The following MGAT4A variants were observed in gnomAD, a reference collection of about 807,000 sequenced individuals.
MGAT4A encodes alpha-1,3-mannosyl-glycoprotein 4-beta-N-acetylglucosaminyltransferase A.
In MGAT4A, 33 loss-of-function variants were observed where a neutral mutation model predicts 74.1. That is an observed-to-expected ratio of 0.45 (90% CI 0.34 to 0.60). The LOEUF is 0.60. MGAT4A is among the 20% of genes least tolerant of loss of function. The probability of loss-of-function intolerance (pLI) is 0.02; values close to 1 mark genes in which losing one functional copy is unlikely to be tolerated. For synonymous variants in MGAT4A, 198 were observed against 210.4 expected (o/e 0.94, Z 0.51); for missense variants, 479 against 628.3 (o/e 0.76, Z 2.54).
At chr2:98,644,913 C>T (rs969908304) in intron 9 of MGAT4A, among the ~76,000 whole-genome samples, 1 of 152,160 alleles carries the variant, frequency 6.6e-6, no homozygotes, top group African/African-American at 2.4e-5. Context: ...GGATTACAGG[C>T]GTGAGCCACT....
chr2:98,700,515 A>C (rs1702340124), intron 2 of MGAT4A, among the ~76,000 whole-genome samples: 1 of 151,984 alleles, frequency 6.6e-6, no homozygotes. Flanking sequence ...TGTTTATGTG[A>C]ATTATATCAA....
rs150095105 is a variant in MGAT4A at position 98,693,463 on chromosome 2, C to T, written c.95-14992G>A. On this transcript the variant is annotated intron_variant, in intron 2 of 15. Coordinates refer to ENST00000393487, the MANE Select transcript of MGAT4A (RefSeq NM_012214.3). ...GGTTGAGGCAAAAAGGTAACATTGT[C>T]TGATGTGGTTCTCAATGTAAAAGAA... is the stretch of plus-strand genomic sequence containing the variant. 6.0e-3 allele frequency among the ~76,000 whole-genome samples: 913 copies of T among 152,248 alleles called. 6 individuals carry two copies. The highest frequency in any genetic ancestry group is 0.01 in the Middle Eastern group (3 of 294).
intron 4 of MGAT4A, among the ~76,000 whole-genome samples, chr2:98,667,426 T>A (rs1394455387): frequency 2.0e-5 from 3 of 152,170 alleles, no homozygotes; most frequent in Non-Finnish European, 4.4e-5. Flanking sequence ...AGAGACTTGT[T>A]GAATGGCTTT....
At chr2:98,699,346 C>A (rs937767537) in intron 2 of MGAT4A, among the ~76,000 whole-genome samples, 1 of 152,336 alleles carries the variant, frequency 6.6e-6, no homozygotes, top group East Asian at 1.9e-4. Context: ...GCACACTGAG[C>A]CACTCTTCTC....
intron 2 of MGAT4A, among the ~76,000 whole-genome samples, chr2:98,693,850 C>T (rs572163728): frequency 6.6e-6 from 1 of 152,164 alleles, no homozygotes; most frequent in East Asian, 1.9e-4. Context: ...GGAATACACT[C>T]AAAAACACTA....
chr2:98,699,113 G>A (rs534054466), intron 2 of MGAT4A, among the ~76,000 whole-genome samples: 1 of 152,298 alleles, frequency 6.6e-6, no homozygotes, highest in African/African-American at 2.4e-5. Context: ...AACCAGGTAT[G>A]CAGTGACTCA....
At chr2:98,661,696 T>C (rs1390282802) in intron 5 of MGAT4A, among the ~76,000 whole-genome samples, 9 of 152,184 alleles carry the variant, frequency 5.9e-5, no homozygotes, top group Non-Finnish European at 1.5e-5. Flanking sequence ...GTTGATGCTA[T>C]AGCAATGGTT....
At chr2:98,629,479 CA>C (rs1458211383) in intron 14 of MGAT4A, among the ~76,000 whole-genome samples, 2 of 152,066 alleles carry the variant, frequency 1.3e-5, no homozygotes, top group Non-Finnish European at 2.9e-5. Context: ...AAAAATATTG[CA>C]AAACTTGGAA....
chr2:98,715,648 G>A (rs962156873), intron 2 of MGAT4A, among the ~76,000 whole-genome samples: 1 of 152,304 alleles, frequency 6.6e-6, no homozygotes, highest in Admixed American at 6.5e-5. Context: ...TTGGAGGGTG[G>A]AGGGTGTGAG....
chr2:98,656,030 C>T (rs1006062200), intron 7 of MGAT4A: 3 of 267,844 alleles, frequency 1.1e-5, no homozygotes, highest in East Asian at 2.4e-4. Flanking sequence ...CAAATAGGTA[C>T]TGAATGCTTT....
intron 8 of MGAT4A, among the ~76,000 whole-genome samples, chr2:98,651,566 A>G (rs1169597726): frequency 6.6e-6 from 1 of 150,800 alleles, no homozygotes; most frequent in African/African-American, 2.4e-5. Context: ...GAATATACAC[A>G]AAAGGAAATA....
At chr2:98,645,686 T>C (rs1240193933) in intron 8 of MGAT4A, 144 bp from the exon 9 acceptor site, 15 of 690,508 alleles carry the variant, frequency 2.2e-5, no homozygotes, top group Non-Finnish European at 3.2e-5. Context: ...TAAAGCTAGA[T>C]ATTATTAAAA....
At chr2:98,683,221 C>A (rs996260308) in intron 2 of MGAT4A, among the ~76,000 whole-genome samples, 2 of 152,088 alleles carry the variant, frequency 1.3e-5, no homozygotes, top group African/African-American at 4.8e-5. Context: ...TGGACTGGAT[C>A]CTGGACCAGA....
In MGAT4A at chr2:98,656,339, G is replaced by A. The variant is rs11679648; in HGVS notation, c.698+13C>T. On this transcript the variant is annotated intron_variant, in intron 7 of 15. Transcript: ENST00000393487. Reference sequence around the variant, plus strand: ...CTCACAAGTGTGGAGGATTTTAAACGGCACATGCTCACCTTACTCTTTCTT... The same window carrying A: ...CTCACAAGTGTGGAGGATTTTAAACAGCACATGCTCACCTTACTCTTTCTT... 378,032 of 1,490,764 alleles carry A rather than the reference G, an allele frequency of 0.25. 53,436 individuals carry two copies. Among genetic ancestry groups the A allele is most frequent in the Non-Finnish European group, 0.3 (319,075 of 1,073,300 alleles). The allele number at this position is 1,490,764 out of a possible 1,614,324, so 92.3% of individuals were successfully genotyped here. A position where few individuals can be genotyped will look rare whatever the true frequency, so the allele number is the denominator to read the frequency against.
intron 14 of MGAT4A, among the ~76,000 whole-genome samples, chr2:98,631,093 T>C (rs963070622): frequency 2.0e-5 from 3 of 152,230 alleles, no homozygotes; most frequent in Non-Finnish European, 4.4e-5. Flanking sequence ...AGAAGGTTCT[T>C]CTGCCGTCTC....
intron 2 of MGAT4A, among the ~76,000 whole-genome samples, chr2:98,722,897 C>T (rs921526180): frequency 1.3e-5 from 2 of 152,108 alleles, no homozygotes; most frequent in Non-Finnish European, 2.9e-5. Context: ...TTGCGCCTGA[C>T]CACAGCAGGA....
intron 10 of MGAT4A, among the ~76,000 whole-genome samples, chr2:98,641,196 C>CA (rs35373047): frequency 0.18 from 27,669 of 151,232 alleles, 2,778 homozygotes; most frequent in African/African-American, 0.25. Context: ...AGTTTGGGGC[C>CA]AAAAAAAATC....
In MGAT4A at chr2:98,623,630, T is replaced by A. The variant is rs568089430; in HGVS notation, c.*1936A>T. On this transcript the variant is annotated 3_prime_UTR_variant, in exon 16 of 16. Coordinates refer to ENST00000393487, the MANE Select transcript of MGAT4A (RefSeq NM_012214.3). ...AATTTAAAACATCCTAATAAAAAAATTTCAACTGGCCTTTAACTGACATAA... is the reference window on the plus strand; with the variant it reads ...AATTTAAAACATCCTAATAAAAAAAATTCAACTGGCCTTTAACTGACATAA... 26 of 985,140 alleles carry A rather than the reference T, an allele frequency of 2.6e-5. No homozygotes were observed. The highest frequency in any genetic ancestry group is 3.0e-5 in the Non-Finnish European group (25 of 829,768). 61.0% of individuals were successfully genotyped at this position (985,140 alleles called of 1,614,324 possible).
Position 98,621,374 on chromosome 2 carries a change from G to A in MGAT4A, c.*4192C>T. The A allele has an allele frequency of 6.5e-7, 1 of 1,541,184 alleles. No homozygotes were observed. Among genetic ancestry groups the A allele is most frequent in the Non-Finnish European group, 8.8e-7 (1 of 1,141,366 alleles). On this transcript the variant is annotated 3_prime_UTR_variant, in exon 16 of 16. Coordinates refer to ENST00000393487, the MANE Select transcript of MGAT4A (RefSeq NM_012214.3). ...TCCCAGCTCCTTTGCTGTTAGCCAAGGCCTCTCTCAGCTCCTCAAAGCCAT... is the reference window on the plus strand; with the variant it reads ...TCCCAGCTCCTTTGCTGTTAGCCAAAGCCTCTCTCAGCTCCTCAAAGCCAT...
Sources: gnomAD v4.1 joint callset for allele counts (sites outside exome capture counted in the v4.1 genomes callset) on GRCh38, gnomAD v4.1.1 for gene constraint, MANE v1.5 for transcripts, NCBI Gene and HGNC (gene_info 2026-07-23, HGNC 2026-07-21) for gene names.